CAMKMT: variants seen among roughly 807,000 people sequenced by gnomAD.
CAMKMT encodes CaM KMT.
In CAMKMT, 53 loss-of-function variants were observed where a neutral mutation model predicts 48.0. That is an observed-to-expected ratio of 1.10 (90% CI 0.89 to 1.39). The LOEUF (loss-of-function observed/expected upper bound fraction) is 1.39. CAMKMT is among the 40% of genes most tolerant of loss of function. The pLI, the probability that CAMKMT is intolerant of heterozygous loss-of-function variation, is 0.00. For missense variants in CAMKMT, 428 were observed against 402.7 expected (o/e 1.06, Z -0.54); for synonymous variants, 165 against 152.3 (o/e 1.08, Z -0.61).
At chr2:44,571,588 A>T (rs748603172) in intron 3 of CAMKMT, among the ~76,000 whole-genome samples, 1 of 152,206 alleles carries the variant, frequency 6.6e-6, no homozygotes, top group Non-Finnish European at 1.5e-5. Context: ...CCACATATGT[A>T]GTGGGTTTCA....
At chr2:44,647,318 C>T (rs2104021413) in intron 3 of CAMKMT, among the ~76,000 whole-genome samples, 1 of 152,252 alleles carries the variant, frequency 6.6e-6, no homozygotes, top group Non-Finnish European at 1.5e-5. Context: ...TACCCCTTTT[C>T]GTAAAGTGTC....
intron 3 of CAMKMT, among the ~76,000 whole-genome samples, chr2:44,395,609 G>A (rs1275680422): frequency 6.6e-6 from 1 of 152,144 alleles, no homozygotes. Flanking sequence ...CTGTGTAATT[G>A]TAGACGAGTC....
At chr2:44,646,065 A>T (rs1430021970) in intron 3 of CAMKMT, among the ~76,000 whole-genome samples, 4 of 152,210 alleles carry the variant, frequency 2.6e-5, no homozygotes, top group Non-Finnish European at 4.4e-5. Context: ...AAAATTGAGA[A>T]CTAGATCGAG....
chr2:44,664,285 A>C (rs1268162053), intron 3 of CAMKMT, among the ~76,000 whole-genome samples: 1 of 152,244 alleles, frequency 6.6e-6, no homozygotes, highest in Non-Finnish European at 1.5e-5. Flanking sequence ...GATGCCTTAT[A>C]GGTTTGTTAA....
chr2:44,579,188 A>C (rs1669404255), intron 3 of CAMKMT, among the ~76,000 whole-genome samples: 1 of 152,212 alleles, frequency 6.6e-6, no homozygotes, highest in Non-Finnish European at 1.5e-5. Context: ...TTAGGGCAGA[A>C]GGTTGTGGTA....
At position 44,588,010 on chromosome 2, in the gene CAMKMT, C is replaced by G. The variant is rs1199713605; in HGVS notation, c.377-116273C>G. ...AAAGTGAGGAGCGTCTCTGCCCGGCCGCCATCCCATCTAGGAAGCGAGGAG... is the reference window on the plus strand; with the variant it reads ...AAAGTGAGGAGCGTCTCTGCCCGGCGGCCATCCCATCTAGGAAGCGAGGAG... On this transcript the variant is annotated intron_variant, in intron 3 of 10. Transcript: ENST00000378494. Among the ~76,000 whole-genome samples the G allele has an allele frequency of 2.9e-3, 403 of 139,350 alleles. 6 individuals are homozygous for G. The highest frequency in any genetic ancestry group is 0.01 in the African/African-American group (384 of 37,634). The allele number at this position is 139,350 out of a possible 152,430, so 91.4% of individuals were successfully genotyped here.
chr2:44,507,066 G>T (rs1329559492), intron 3 of CAMKMT, among the ~76,000 whole-genome samples: 1 of 111,304 alleles, frequency 9.0e-6, no homozygotes, highest in African/African-American at 3.4e-5. Flanking sequence ...CATAAAATTT[G>T]TGCAATCTTT....
chr2:44,751,147 G>A lies in CAMKMT; in HGVS notation c.699-2908G>A, dbSNP rs529358006. On this transcript the variant is annotated intron_variant, in intron 8 of 10. Coordinates refer to ENST00000378494, the MANE Select transcript of CAMKMT (RefSeq NM_024766.5). ...CCAAATTCTCTACTTCTTGTACTGA[G>A]CTTGGAAAAGGGAGAGATCACTATG... Among the ~76,000 whole-genome samples, 166 of 152,294 alleles carry A rather than the reference G, an allele frequency of 1.1e-3. 1 individual carries two copies. Among genetic ancestry groups the A allele is most frequent in the South Asian group, 3.9e-3 (19 of 4,820 alleles).
chr2:44,655,355 G>A (rs1350125992), intron 3 of CAMKMT, among the ~76,000 whole-genome samples: 1 of 152,098 alleles, frequency 6.6e-6, no homozygotes, highest in African/African-American at 2.4e-5. Flanking sequence ...GATACATTAT[G>A]CCTATCAGTT....
Position 44,524,161 on chromosome 2 carries a change from C to T in CAMKMT, c.376+133856C>T, listed in dbSNP as rs548186806. 1.2e-4 allele frequency among the ~76,000 whole-genome samples: 19 copies of T among 152,262 alleles called. 1 individual carries two copies. Among genetic ancestry groups the T allele is most frequent in the African/African-American group, 4.6e-4 (19 of 41,542 alleles). On this transcript the variant is annotated intron_variant, in intron 3 of 10. Transcript: ENST00000378494. Reference sequence around the variant, plus strand: ...CTCAGAAGTCACAGAGCATCACTTCCACTGAACTCTATTGGTCAAAGCAGT... The same window carrying T: ...CTCAGAAGTCACAGAGCATCACTTCTACTGAACTCTATTGGTCAAAGCAGT...
chr2:44,404,750 T>G (rs1163118706), intron 3 of CAMKMT, among the ~76,000 whole-genome samples: 1 of 152,086 alleles, frequency 6.6e-6, no homozygotes, highest in Non-Finnish European at 1.5e-5. Context: ...TCAAGGTCTT[T>G]TTATGCTTTT....
At chr2:44,557,698 A>G (rs889378883) in intron 3 of CAMKMT, among the ~76,000 whole-genome samples, 2 of 152,384 alleles carry the variant, frequency 1.3e-5, no homozygotes, top group East Asian at 1.9e-4. Flanking sequence ...GGTTAGCACC[A>G]TATTTCTGAG....
chr2:44,742,726 T>G (rs1214204366), intron 7 of CAMKMT, among the ~76,000 whole-genome samples: 1 of 152,178 alleles, frequency 6.6e-6, no homozygotes, highest in Non-Finnish European at 1.5e-5. Flanking sequence ...TATTATTACA[T>G]TCAGACACAT....
chr2:44,565,352 G>A (rs2103711439), intron 3 of CAMKMT, among the ~76,000 whole-genome samples: 1 of 152,294 alleles, frequency 6.6e-6, no homozygotes, highest in Non-Finnish European at 1.5e-5. Context: ...TAGCTGTAAA[G>A]CTTTGGCACT....
rs376636772 is a variant in CAMKMT, at chr2:44,432,064, G to T, written c.376+41759G>T. Among the ~76,000 whole-genome samples, 27 of 152,282 alleles carry T rather than the reference G, an allele frequency of 1.8e-4. 1 individual carries two copies. In the East Asian group the frequency reaches 4.2e-3, roughly 24 times the overall value. On this transcript the variant is annotated intron_variant, in intron 3 of 10. Coordinates refer to ENST00000378494, the MANE Select transcript of CAMKMT (RefSeq NM_024766.5). ...GCTTTCTTGACAGCAAGGCCAGGAT[G>T]ATTTAACTTCTTGGCTGGTTTAGTC...
At chr2:44,607,728 CTG>C (rs1187057032) in intron 3 of CAMKMT, among the ~76,000 whole-genome samples, 3 of 152,160 alleles carry the variant, frequency 2.0e-5, no homozygotes, top group East Asian at 3.9e-4. Context: ...TAAATGAAGT[CTG>C]TATTTCTGCA....
intron 3 of CAMKMT, among the ~76,000 whole-genome samples, chr2:44,546,216 C>CACACA (rs1667396440): frequency 6.7e-6 from 1 of 149,132 alleles, no homozygotes; most frequent in African/African-American, 2.5e-5. Flanking sequence ...CATGCACATA[C>CACACA]CCCTATACCT....
At chr2:44,718,263 A>G (rs57704196) in intron 7 of CAMKMT, among the ~76,000 whole-genome samples, 4,861 of 152,216 alleles carry the variant, frequency 0.032, 220 homozygotes, top group African/African-American at 0.11. Flanking sequence ...ATCCATTTTA[A>G]TCATAGTCTG....
At chr2:44,549,560 G>A (rs912894553) in intron 3 of CAMKMT, 1 of 694,758 alleles carries the variant, frequency 1.4e-6, no homozygotes, top group Non-Finnish European at 2.6e-6. Context: ...CTTAGACACA[G>A]GGTCTCACTC....
Sources: gnomAD v4.1 joint callset for allele counts (sites outside exome capture counted in the v4.1 genomes callset) on GRCh38, gnomAD v4.1.1 for gene constraint, MANE v1.5 for transcripts, NCBI Gene and HGNC (gene_info 2026-07-23, HGNC 2026-07-21) for gene names.